OSBPL8: variants seen among roughly 807,000 people sequenced by gnomAD.
OSBPL8 encodes oxysterol binding protein like 8.
In OSBPL8, 59 loss-of-function variants were observed where a neutral mutation model predicts 125.5. The observed-to-expected ratio is 0.47, with a 90% CI of 0.38 to 0.58. The LOEUF is 0.58. Ranked by LOEUF, OSBPL8 falls within the 20% of genes least tolerant of loss-of-function variation. The probability of loss-of-function intolerance (pLI) is 0.00; values close to 1 mark genes in which losing one functional copy is unlikely to be tolerated. For synonymous variants in OSBPL8, 330 were observed against 338.9 expected (o/e 0.97, Z 0.29); for missense variants, 758 against 1,047.8 (o/e 0.72, Z 3.82).
At chr12:76,536,140 A>T (rs569458209) in intron 1 of OSBPL8, among the ~76,000 whole-genome samples, 1 of 152,090 alleles carries the variant, frequency 6.6e-6, no homozygotes, top group Non-Finnish European at 1.5e-5. Context: ...AGCGAAAGGC[A>T]AAATGATGCT....
intron 1 of OSBPL8, among the ~76,000 whole-genome samples, chr12:76,540,657 T>C (rs1473487935): frequency 6.6e-6 from 1 of 151,690 alleles, no homozygotes; most frequent in African/African-American, 2.4e-5. Flanking sequence ...TGAGCACACA[T>C]TGATATAATA....
At chr12:76,444,835 A>C (rs1193254024) in intron 4 of OSBPL8, among the ~76,000 whole-genome samples, 1 of 152,330 alleles carries the variant, frequency 6.6e-6, no homozygotes, top group East Asian at 1.9e-4. Context: ...AGCCAGATGT[A>C]GGTGCTACTG....
chr12:76,395,055 A>G (rs1953734027), intron 8 of OSBPL8, among the ~76,000 whole-genome samples: 1 of 152,194 alleles, frequency 6.6e-6, no homozygotes, highest in Non-Finnish European at 1.5e-5. Flanking sequence ...GATACAACTA[A>G]TGAGATAAGA....
chr12:76,417,609 T>C (rs1351433554), intron 4 of OSBPL8, among the ~76,000 whole-genome samples: 1 of 152,178 alleles, frequency 6.6e-6, no homozygotes, highest in Non-Finnish European at 1.5e-5. Context: ...ACTAATTCTA[T>C]CTTCATCTGT....
chr12:76,474,501 A>G (rs1168119932), intron 2 of OSBPL8, among the ~76,000 whole-genome samples: 1 of 151,726 alleles, frequency 6.6e-6, no homozygotes, highest in Non-Finnish European at 1.5e-5. Flanking sequence ...TTTTGGGGGG[A>G]GGCAGAGTCT....
At chr12:76,398,589 T>C (rs964928395) in intron 7 of OSBPL8, among the ~76,000 whole-genome samples, 1 of 152,194 alleles carries the variant, frequency 6.6e-6, no homozygotes, top group Non-Finnish European at 1.5e-5. Context: ...TCTATTAAAA[T>C]GGTGTCTATG....
chr12:76,389,737 T>C lies in OSBPL8; in HGVS notation c.1260A>G (p.Leu420=), dbSNP rs1392655419. ...TAAATGTAGGCAGAACCACCTTGGA[T>C]AGGTCCATGCCAGGACGGACTTGTT... is the stretch of plus-strand genomic sequence containing the variant. ...LLKQVRPGMD[L]SKVVLPTFIL... The change falls in exon 12 of 24, where the codon CTA becomes CTG. Residue 420 remains leucine (L), a synonymous_variant. Coordinates refer to ENST00000261183, the MANE Select transcript of OSBPL8 (RefSeq NM_020841.5). The C allele has an allele frequency of 2.5e-6, 4 of 1,609,724 alleles. No homozygotes were observed. Among genetic ancestry groups the C allele is most frequent in the African/African-American group, 1.3e-5 (1 of 74,826 alleles).
chr12:76,469,538 G>A (rs557882498), intron 2 of OSBPL8, among the ~76,000 whole-genome samples: 1 of 152,232 alleles, frequency 6.6e-6, no homozygotes, highest in East Asian at 1.9e-4. Flanking sequence ...AACGCTTACA[G>A]ACTAACCACC....
At chr12:76,450,734 A>G (rs1592704599) in intron 4 of OSBPL8, 117 bp downstream of exon 4, 1 of 1,071,166 alleles carries the variant, frequency 9.3e-7, no homozygotes, top group Non-Finnish European at 1.3e-6. Flanking sequence ...AACCCCTTAC[A>G]AAACCAAATA....
intron 16 of OSBPL8, among the ~76,000 whole-genome samples, 200 bp downstream of exon 16, chr12:76,378,252 G>C (rs1952904383): frequency 6.6e-6 from 1 of 152,082 alleles, no homozygotes; most frequent in Non-Finnish European, 1.5e-5. Flanking sequence ...ACATCACAAA[G>C]AGTCCATTAC....
At chr12:76,481,701 T>C in intron 2 of OSBPL8, among the ~76,000 whole-genome samples, 1 of 152,204 alleles carries the variant, frequency 6.6e-6, no homozygotes, top group East Asian at 1.9e-4. Flanking sequence ...TACCACATAA[T>C]ACACTAAATC....
At chr12:76,497,513 C>T (rs553751896) in intron 1 of OSBPL8, among the ~76,000 whole-genome samples, 2 of 151,030 alleles carry the variant, frequency 1.3e-5, no homozygotes, top group African/African-American at 4.9e-5. Context: ...TCCACTTAGA[C>T]CTACACCTAA....
intron 1 of OSBPL8, among the ~76,000 whole-genome samples, chr12:76,488,222 A>C (rs796295566): frequency 3.9e-5 from 6 of 152,344 alleles, no homozygotes; most frequent in African/African-American, 1.2e-4. Flanking sequence ...ATACAATAGA[A>C]TATCATGCAG....
chr12:76,442,461 C>A (rs58389303), intron 4 of OSBPL8, among the ~76,000 whole-genome samples: 77,159 of 151,920 alleles, frequency 0.51, 21,327 homozygotes, highest in African/African-American at 0.72. Flanking sequence ...TATTTTTAAA[C>A]ATAACTTGAA....
chr12:76,388,802 C>A (rs971460458), intron 12 of OSBPL8, among the ~76,000 whole-genome samples: 1 of 151,892 alleles, frequency 6.6e-6, no homozygotes, highest in Admixed American at 6.6e-5. Context: ...ATTTTGTCTA[C>A]GATGAAATTT....
intron 1 of OSBPL8, among the ~76,000 whole-genome samples, chr12:76,494,063 T>C (rs1879014241): frequency 6.6e-6 from 1 of 152,194 alleles, no homozygotes; most frequent in Non-Finnish European, 1.5e-5. Flanking sequence ...TTCATTGAGT[T>C]GTCTGTGTTC....
intron 4 of OSBPL8, among the ~76,000 whole-genome samples, chr12:76,411,914 A>G (rs2136426984): frequency 6.6e-6 from 1 of 152,272 alleles, no homozygotes; most frequent in African/African-American, 2.4e-5. Context: ...AACTCTGTTC[A>G]CTACTGGTGA....
intron 4 of OSBPL8, among the ~76,000 whole-genome samples, chr12:76,444,050 G>A (rs1681757900): frequency 6.6e-6 from 1 of 152,000 alleles, no homozygotes; most frequent in African/African-American, 2.4e-5. Flanking sequence ...GTGGGGTAAG[G>A]AGAGTCAGTC....
At chr12:76,446,100 G>C (rs529525814) in intron 4 of OSBPL8, among the ~76,000 whole-genome samples, 2 of 152,180 alleles carry the variant, frequency 1.3e-5, no homozygotes, top group East Asian at 3.9e-4. Flanking sequence ...TAAAGTCCTC[G>C]TAAGAATTCC....
Sources: gnomAD v4.1 joint callset for allele counts (sites outside exome capture counted in the v4.1 genomes callset) on GRCh38, gnomAD v4.1.1 for gene constraint, MANE v1.5 for transcripts, NCBI Gene and HGNC (gene_info 2026-07-23, HGNC 2026-07-21) for gene names.